Variants in MAST3 observed in about 807,000 individuals in gnomAD.
MAST3 encodes microtubule associated serine/threonine kinase 3.
In MAST3, 43 loss-of-function variants were observed where a neutral mutation model predicts 127.0. The ratio of observed to expected loss-of-function variants is 0.34; its 90% CI spans 0.27 to 0.44. The LOEUF (loss-of-function observed/expected upper bound fraction) is 0.44. MAST3 is among the 20% of genes least tolerant of loss of function. The pLI, the probability that MAST3 is intolerant of heterozygous loss-of-function variation, is 1.00. For missense variants in MAST3, 1,390 were observed against 1,919.1 expected, an observed-to-expected ratio of 0.72 and a Z score of 5.15; for synonymous variants, 785 against 809.2, an observed-to-expected ratio of 0.97 and a Z score of 0.51.
intron 1 of MAST3, 31 bp from the exon 2 acceptor site, chr19:18,107,556 G>C: frequency 6.2e-7 from 1 of 1,613,028 alleles, no homozygotes; most frequent in Non-Finnish European, 8.5e-7. Context: ...TAGTCTCTCT[G>C]AGAATGATCC....
At chr19:18,118,251 A>T (rs942141907) in intron 3 of MAST3, 2 of 985,272 alleles carry the variant, frequency 2.0e-6, no homozygotes, top group Non-Finnish European at 2.4e-6. Flanking sequence ...CAGCGCTCCA[A>T]GAGGTAGGGG....
At chr19:18,137,888 G>A (rs1404542689) in intron 19 of MAST3, among the ~76,000 whole-genome samples, 1 of 152,132 alleles carries the variant, frequency 6.6e-6, no homozygotes, top group Non-Finnish European at 1.5e-5. Flanking sequence ...TCTGTAAAAT[G>A]AGGAACATCC....
At chr19:18,118,248 C>G (rs2039532078) in intron 3 of MAST3, 1 of 985,282 alleles carries the variant, frequency 1.0e-6, no homozygotes, top group South Asian at 4.7e-5. Context: ...CTGCAGCGCT[C>G]CAAGAGGTAG....
intron 21 of MAST3, among the ~76,000 whole-genome samples, 183 bp downstream of exon 21, chr19:18,142,198 CAT>C (rs199751889): frequency 0.015 from 2,209 of 152,252 alleles, 46 homozygotes; most frequent in African/African-American, 0.05. Flanking sequence ...ACCATGCAAA[CAT>C]AAAACAGCTG....
At chr19:18,130,966 C>T (rs2041214291) in intron 14 of MAST3, among the ~76,000 whole-genome samples, 1 of 152,170 alleles carries the variant, frequency 6.6e-6, no homozygotes, top group African/African-American at 2.4e-5. Flanking sequence ...AACTGATGGG[C>T]AGAGGCCTGG....
In MAST3 at chr19:18,151,294, G is replaced by A. The variant is rs570493074; in HGVS notation, c.*1568G>A. 2 of 152,326 alleles carry A rather than the reference G, an allele frequency of 1.3e-5. No homozygotes were observed. Among genetic ancestry groups the A allele is most frequent in the East Asian group, 3.9e-4 (2 of 5,182 alleles). The allele number at this position is 152,326 out of a possible 1,614,324, so 9.4% of individuals were successfully genotyped here. A position where few individuals can be genotyped will look rare whatever the true frequency, so the allele number is the denominator to read the frequency against. ...CTTCTCCCTCAGCCAGCCTTGAGAA[G>A]GCTGGAGGTGGTGTCATCACCTCCA... is the stretch of plus-strand genomic sequence containing the variant. On this transcript the variant is annotated 3_prime_UTR_variant, in exon 28 of 28. Coordinates refer to ENST00000687212, the MANE Select transcript of MAST3 (RefSeq NM_001393504.1).
chr19:18,120,595 G>A (rs2039852344), intron 3 of MAST3, among the ~76,000 whole-genome samples: 1 of 152,182 alleles, frequency 6.6e-6, no homozygotes, highest in South Asian at 2.1e-4. Context: ...GGAATGCAAT[G>A]GCACTATCTC....
chr19:18,137,282 G>A lies in MAST3; in HGVS notation c.2016G>A (p.Leu672=). 1 of 1,613,896 alleles carries A rather than the reference G, an allele frequency of 6.2e-7. No individual in the cohort carries two copies. Residue 672 remains leucine, a synonymous_variant, in exon 19 of 28, where the codon CTG becomes CTA. Transcript: ENST00000687212. The part of the protein sequence containing the change: ...EVKQHPFFLA[L]DWAGLLRHKA... ...AGCAGCACCCCTTTTTCCTGGCCCT[G>A]GACTGGGCAGGGCTTCTCCGACACA...
Position 18,123,659 on chromosome 19 carries a change from G to T in MAST3, c.633+4G>T. The T allele has an allele frequency of 6.4e-7, 1 of 1,559,730 alleles. No homozygotes were observed. On this transcript the variant is annotated splice_donor_region_variant and intron_variant, in intron 8 of 27. Transcript: ENST00000687212. ...GTACCGGGAGAGGTTCCCCAAGGTG[G>T]GCAGCGCCTGGCGGCTGGACCAGCC...
chr19:18,135,666 T>C (rs1345413279), intron 17 of MAST3, 74 bp from the exon 18 acceptor site: 1 of 1,103,344 alleles, frequency 9.1e-7, no homozygotes, highest in East Asian at 2.6e-5. Flanking sequence ...TGAGGGGAAA[T>C]GGTGGATGGT....
chr19:18,121,676 C>T lies in MAST3; in HGVS notation c.162-9C>T. The T allele has an allele frequency of 6.2e-7, 1 of 1,612,816 alleles. No individual in the cohort carries two copies. On this transcript the variant is annotated splice_polypyrimidine_tract_variant and intron_variant, in intron 3 of 27. Coordinates refer to ENST00000687212, the MANE Select transcript of MAST3 (RefSeq NM_001393504.1). Reference sequence around the variant, plus strand: ...CAGCCACCTACCCTGTCCCCTTTTCCCCCCACAGCTGCCGCAGCGGGAACC... The same window carrying T: ...CAGCCACCTACCCTGTCCCCTTTTCTCCCCACAGCTGCCGCAGCGGGAACC...
intron 19 of MAST3, among the ~76,000 whole-genome samples, chr19:18,138,111 G>A (rs1176766206): frequency 6.6e-6 from 1 of 151,808 alleles, no homozygotes; most frequent in Non-Finnish European, 1.5e-5. Context: ...TTGGGAGGCT[G>A]AGGCACGAGA....
chr19:18,119,388 T>C (rs778007695), intron 3 of MAST3, among the ~76,000 whole-genome samples: 1 of 152,086 alleles, frequency 6.6e-6, no homozygotes, highest in East Asian at 1.9e-4. Context: ...CAGGTGAGCG[T>C]GCATTGAGGG....
chr19:18,149,234 C>A lies in MAST3; in HGVS notation c.3552C>A (p.Ser1184Arg). 1 of 1,556,782 alleles carries A rather than the reference C, an allele frequency of 6.4e-7. No individual in the cohort carries two copies. Among genetic ancestry groups the A allele is most frequent in the African/African-American group, 1.4e-5 (1 of 71,110 alleles). The change falls in exon 28 of 28, where the codon AGC becomes AGA. Residue 1184 changes from serine (S) to arginine (R), a missense_variant. By Grantham distance (110) the Ser-to-Arg change is moderately radical. This residue lies in a region of MAST3 where 816 missense variants were observed against 934.1 expected (regional missense o/e 0.87). Transcript: ENST00000687212. The surrounding 1 kb of genome is among the most constrained non-coding windows in gnomAD (Gnocchi z 5.9). ...CCAGCGCATCCCCGAGCTCCAGCAG[C>A]CCCGCCTCCCCAGCTGCTGCTGGCC... ...SPPSASPSSS[S>R]PASPAAAGHT...
chr19:18,139,190 A>G, intron 20 of MAST3, 66 bp downstream of exon 20: 1 of 1,241,980 alleles, frequency 8.1e-7, no homozygotes, highest in Non-Finnish European at 1.2e-6. Context: ...TTGCTTTCGT[A>G]TCTGTTTTTT....
chr19:18,129,966 G>C (rs1288294888), intron 13 of MAST3, among the ~76,000 whole-genome samples: 2 of 147,316 alleles, frequency 1.4e-5, no homozygotes, highest in Non-Finnish European at 3.0e-5. Flanking sequence ...AAATACACAA[G>C]CAGCCAGGTG....
chr19:18,125,752 C>A lies in MAST3; in HGVS notation c.1078+978C>A, dbSNP rs530030972. ...CAAGACTCTGTCTCAAAAAAAAAAA[C>A]AAACAACTCCCACAGCCAGCCAGGT... is the stretch of plus-strand genomic sequence containing the variant. On this transcript the variant is annotated intron_variant, in intron 11 of 27. Transcript: ENST00000687212. Among the ~76,000 whole-genome samples, 418 of 137,026 alleles carry A rather than the reference C, an allele frequency of 3.1e-3. 1 individual carries two copies. The highest frequency in any genetic ancestry group is 9.7e-3 in the African/African-American group (358 of 36,822). The allele number at this position is 137,026 out of a possible 152,430, so 89.9% of individuals were successfully genotyped here. A position where few individuals can be genotyped will look rare whatever the true frequency, so the allele number is the denominator to read the frequency against.
chr19:18,141,409 G>A (rs868798855), intron 20 of MAST3, among the ~76,000 whole-genome samples: 31 of 110,512 alleles, frequency 2.8e-4, no homozygotes, highest in Middle Eastern at 8.5e-3. Context: ...GTCTCGCTCT[G>A]TCTCCTAGGC....
intron 1 of MAST3, among the ~76,000 whole-genome samples, chr19:18,104,049 A>G (rs955181512): frequency 6.6e-6 from 1 of 151,844 alleles, no homozygotes; most frequent in Non-Finnish European, 1.5e-5. Flanking sequence ...TCATCTCTAT[A>G]AAAAATACAA....
Sources: allele counts gnomAD v4.1 joint callset (sites outside exome capture counted in the v4.1 genomes callset), GRCh38; gene constraint gnomAD v4.1.1; regional missense constraint gnomAD v4.1.1; non-coding constraint Gnocchi (gnomAD v3.1); transcripts MANE v1.5; gene names NCBI Gene and HGNC (gene_info 2026-07-23, HGNC 2026-07-21).